GFRAL: variants seen among roughly 807,000 people sequenced by gnomAD.
The protein encoded by GFRAL is GDNF family receptor alpha-like.
In GFRAL, 36 loss-of-function variants were observed where a neutral mutation model predicts 45.4. That is an observed-to-expected ratio of 0.79 (90% confidence interval 0.61 to 1.05). GFRAL has a LOEUF of 1.05. GFRAL is among the 50% of genes least tolerant of loss of function. The pLI is 0.00. For synonymous variants in GFRAL, 166 were observed against 154.1 expected (o/e 1.08, Z -0.57); for missense variants, 507 against 467.5 (o/e 1.08, Z -0.78).
At chr6:55,357,392 T>G (rs2127356806) in intron 5 of GFRAL, among the ~76,000 whole-genome samples, 1 of 151,848 alleles carries the variant, frequency 6.6e-6, no homozygotes, top group African/African-American at 2.4e-5. Flanking sequence ...TCTTGCTGAG[T>G]TGAATCTGTT....
intron 6 of GFRAL, among the ~76,000 whole-genome samples, chr6:55,391,275 A>C (rs2127365667): frequency 6.6e-6 from 1 of 152,294 alleles, no homozygotes; most frequent in East Asian, 1.9e-4. Flanking sequence ...AGGATCTAGG[A>C]ATAATCTTTG....
At chr6:55,382,233 T>A (rs1768620457) in intron 6 of GFRAL, among the ~76,000 whole-genome samples, 1 of 151,976 alleles carries the variant, frequency 6.6e-6, no homozygotes, top group Admixed American at 6.6e-5. Flanking sequence ...TATAAATGTT[T>A]GTTTTTCCTC....
At position 55,401,840 on chromosome 6, in the gene GFRAL, C is replaced by G. The variant is rs761438676; in HGVS notation, c.1172C>G (p.Pro391Arg). 1.3e-6 allele frequency: 2 copies of G among 1,511,982 alleles called. No individual in the cohort carries two copies. The highest frequency in any genetic ancestry group is 2.2e-5 in the South Asian group (2 of 89,066). 93.7% of individuals were successfully genotyped at this position (1,511,982 alleles called of 1,614,324 possible). A position where few individuals can be genotyped will look rare whatever the true frequency, so the allele number is the denominator to read the frequency against. Residue 391 changes from proline to arginine, a missense_variant, in exon 9 of 9, where the codon CCT (proline) becomes CGT (arginine). Pro to Arg is a moderately radical substitution (Grantham distance 103, BLOSUM62 -2). Transcript: ENST00000340465. ...AGAGATCCTTCATCGATCCAAATAC[C>G]TGGAGAACTCTGATTCATTAGGAGT... is the stretch of plus-strand genomic sequence containing the variant. ...KARDPSSIQI[P>R]GEL
chr6:55,328,698 A>G (rs1767795291), intron 1 of GFRAL, among the ~76,000 whole-genome samples: 1 of 152,036 alleles, frequency 6.6e-6, no homozygotes, highest in Non-Finnish European at 1.5e-5. Context: ...CTCACAAAAT[A>G]CATTACAGAC....
intron 3 of GFRAL, among the ~76,000 whole-genome samples, chr6:55,340,486 C>T (rs762978809): frequency 9.2e-5 from 14 of 151,830 alleles, no homozygotes; most frequent in Non-Finnish European, 1.5e-4. Context: ...ATGTGTAAAC[C>T]CTGGAGAATA....
intron 6 of GFRAL, among the ~76,000 whole-genome samples, chr6:55,377,560 C>T (rs888316425): frequency 1.3e-5 from 2 of 151,890 alleles, no homozygotes; most frequent in African/African-American, 4.8e-5. Flanking sequence ...TTTTTAGGGG[C>T]CAGTCATAAG....
At chr6:55,353,129 T>A (rs1768141229) in intron 5 of GFRAL, among the ~76,000 whole-genome samples, 1 of 151,792 alleles carries the variant, frequency 6.6e-6, no homozygotes, top group Non-Finnish European at 1.5e-5. Flanking sequence ...GAGAGTTAAT[T>A]GAGTGGGTGT....
At chr6:55,363,621 T>C (rs1355453828) in intron 6 of GFRAL, among the ~76,000 whole-genome samples, 1 of 123,176 alleles carries the variant, frequency 8.1e-6, no homozygotes, top group Non-Finnish European at 1.6e-5. Context: ...CAGAGTGTGA[T>C]ATTCCCCTTC....
chr6:55,395,681 T>G (rs371682910), intron 6 of GFRAL, among the ~76,000 whole-genome samples: 1 of 151,690 alleles, frequency 6.6e-6, no homozygotes, highest in Admixed American at 6.6e-5. Flanking sequence ...TTGTCTCTGA[T>G]CAACCATAAC....
rs546152525 is a variant in GFRAL, at chr6:55,376,775, A to G, written c.952+17637A>G. ...GTCTAGCTAGCTAGCTATTTTATCT[A>G]AAAAAATGGCTACTGGATTTATTGA... is the stretch of plus-strand genomic sequence containing the variant. On this transcript the variant is annotated intron_variant, in intron 6 of 8. Coordinates refer to ENST00000340465, the MANE Select transcript of GFRAL (RefSeq NM_207410.2). Among the ~76,000 whole-genome samples, 12 of 151,818 alleles carry G rather than the reference A, an allele frequency of 7.9e-5. No homozygotes were observed. In the South Asian group the frequency reaches 2.3e-3, roughly 29 times the overall value.
At chr6:55,386,037 T>G (rs938313574) in intron 6 of GFRAL, among the ~76,000 whole-genome samples, 8 of 152,226 alleles carry the variant, frequency 5.3e-5, no homozygotes, top group African/African-American at 1.9e-4. Flanking sequence ...AAAAGACAAG[T>G]AGCCCACCAA....
chr6:55,389,538 T>C (rs1024710794), intron 6 of GFRAL, among the ~76,000 whole-genome samples: 7 of 151,174 alleles, frequency 4.6e-5, no homozygotes, highest in African/African-American at 1.7e-4. Flanking sequence ...CCTTGCCTCA[T>C]TTAATCCTCA....
intron 6 of GFRAL, among the ~76,000 whole-genome samples, chr6:55,370,125 T>C (rs62419086): frequency 6.6e-6 from 1 of 151,954 alleles, no homozygotes; most frequent in African/African-American, 2.4e-5. Flanking sequence ...TTTCACTACA[T>C]GATTAATAGT....
intron 7 of GFRAL, 45 bp from the exon 8 acceptor site, chr6:55,399,324 T>C (rs1296150219): frequency 6.5e-7 from 1 of 1,545,958 alleles, no homozygotes. Context: ...TTATTTCCTC[T>C]AAAAATCCAG....
chr6:55,385,172 A>G (rs1228239853), intron 6 of GFRAL, among the ~76,000 whole-genome samples: 1 of 152,154 alleles, frequency 6.6e-6, no homozygotes, highest in Non-Finnish European at 1.5e-5. Flanking sequence ...ATAGTATAAG[A>G]ATCTGGACAA....
chr6:55,389,787 T>C (rs532949839), intron 6 of GFRAL, among the ~76,000 whole-genome samples: 1 of 152,220 alleles, frequency 6.6e-6, no homozygotes, highest in African/African-American at 2.4e-5. Flanking sequence ...TGTGTGTATA[T>C]GTAAAGTGAC....
chr6:55,384,429 A>G (rs1247859606), intron 6 of GFRAL, among the ~76,000 whole-genome samples: 1 of 152,084 alleles, frequency 6.6e-6, no homozygotes, highest in Non-Finnish European at 1.5e-5. Context: ...ATGAAAAAGT[A>G]GACTTGGATA....
At chr6:55,357,255 G>C (rs912867426) in intron 5 of GFRAL, among the ~76,000 whole-genome samples, 1 of 151,814 alleles carries the variant, frequency 6.6e-6, no homozygotes, top group Non-Finnish European at 1.5e-5. Flanking sequence ...TTGATTTTCT[G>C]TCTGAATGAT....
At chr6:55,354,556 A>AT (rs1473530930) in intron 5 of GFRAL, among the ~76,000 whole-genome samples, 1 of 152,020 alleles carries the variant, frequency 6.6e-6, no homozygotes, top group Non-Finnish European at 1.5e-5. Flanking sequence ...TCAGTACTTT[A>AT]TAGAGGTGAT....
Sources: gnomAD v4.1 joint callset for allele counts (sites outside exome capture counted in the v4.1 genomes callset) on GRCh38, gnomAD v4.1.1 for gene constraint, MANE v1.5 for transcripts, NCBI Gene and HGNC (gene_info 2026-07-23, HGNC 2026-07-21) for gene names.